Variants in HESX1 observed in about 807,000 individuals in gnomAD.
HESX1 encodes homeobox expressed in ES cells 1.
Under a neutral mutation model 22.5 loss-of-function variants are expected in HESX1, and 11 were observed. The ratio of observed to expected loss-of-function variants is 0.49; its 90% CI spans 0.31 to 0.81. The LOEUF (loss-of-function observed/expected upper bound fraction) is 0.81. HESX1 is among the 30% of genes least tolerant of loss of function. HESX1 has a pLI of 0.05. For missense variants in HESX1, 201 were observed against 212.6 expected (o/e 0.95, Z 0.34); for synonymous variants, 74 against 76.5 (o/e 0.97, Z 0.17).
intron 1 of HESX1, among the ~76,000 whole-genome samples, chr3:57,213,851 G>A (rs2107579589): frequency 6.6e-6 from 1 of 152,286 alleles, no homozygotes; most frequent in Middle Eastern, 3.4e-3. Context: ...AACCTAGGAG[G>A]CGGAGGTTGC....
At position 57,197,994 on chromosome 3, in the gene HESX1, A is replaced by AAT. The variant is rs1361785110; in HGVS notation, c.*201_*202dup. 7 of 404,524 alleles carry AAT rather than the reference A, an allele frequency of 1.7e-5. No individual in the cohort carries two copies. The highest frequency in any genetic ancestry group is 3.1e-5 in the Non-Finnish European group (7 of 227,524). 25.1% of individuals were successfully genotyped at this position (404,524 alleles called of 1,614,324 possible). ...AATCTTTTCTGAAAATGTTTATTAA[A>AAT]ATATATATAAAAGGTCTTTACTATA... On this transcript the variant is annotated 3_prime_UTR_variant, in exon 4 of 4. Coordinates refer to ENST00000295934, the MANE Select transcript of HESX1 (RefSeq NM_003865.3).
Position 57,198,115 on chromosome 3 carries a change from C to T in HESX1, c.*82G>A. The T allele has an allele frequency of 2.3e-6, 2 of 881,362 alleles. No homozygotes were observed. Among genetic ancestry groups the T allele is most frequent in the African/African-American group, 1.7e-5 (1 of 60,342 alleles). The allele number at this position is 881,362 out of a possible 1,614,324, so 54.6% of individuals were successfully genotyped here. ...TTCAGATTAAATGCAGGAAAGAAAA[C>T]ATCACATTTTAACACTTAATATTTC... On this transcript the variant is annotated 3_prime_UTR_variant, in exon 4 of 4. Transcript: ENST00000295934.
rs569950634 is a variant in HESX1, at chr3:57,211,662, G to A, written c.-110-11634C>T. Among the ~76,000 whole-genome samples the A allele has an allele frequency of 2.6e-4, 39 of 150,812 alleles. No homozygotes were observed. In the South Asian group the frequency reaches 6.5e-3, roughly 25 times the overall value. On this transcript the variant is annotated intron_variant, in intron 1 of 2. Coordinates refer to the HESX1 transcript ENST00000495160. ...AGCCTGGCCAACATGGTGAAACCCCGTCCCTACTAAAAATACAAAAATTAG... is the reference window on the plus strand; with the variant it reads ...AGCCTGGCCAACATGGTGAAACCCCATCCCTACTAAAAATACAAAAATTAG...
At chr3:57,203,220 T>A (rs577991097), upstream of HESX1, among the ~76,000 whole-genome samples, 21 of 152,320 alleles carry the variant, frequency 1.4e-4, no homozygotes, top group Non-Finnish European at 2.9e-4. Context: ...CAACACATAA[T>A]TTGCTAAGCA....
At chr3:57,204,999 A>G (rs1042971759) in intron 1 of HESX1, among the ~76,000 whole-genome samples, 2 of 152,172 alleles carry the variant, frequency 1.3e-5, no homozygotes, top group African/African-American at 4.8e-5. Context: ...AATGGTTACA[A>G]TAGCATCTCT....
chr3:57,216,614 A>C (rs1454148358), intron 1 of HESX1, among the ~76,000 whole-genome samples: 2 of 152,236 alleles, frequency 1.3e-5, no homozygotes, highest in Admixed American at 6.5e-5. Context: ...GTCTCAAAAA[A>C]TAAAAAATAA....
At chr3:57,203,402 C>A (rs1009650301), upstream of HESX1, among the ~76,000 whole-genome samples, 2 of 152,110 alleles carry the variant, frequency 1.3e-5, no homozygotes, top group Non-Finnish European at 2.9e-5. Context: ...TAATTGAATA[C>A]TTGGTCCCAA....
chr3:57,199,076 T>G, intron 1 of HESX1, 124 bp from the exon 2 acceptor site: 1 of 874,714 alleles, frequency 1.1e-6, no homozygotes, highest in East Asian at 2.4e-5. Context: ...ACAAGAGAAT[T>G]GCACCCCGTT....
chr3:57,212,985 C>T (rs2060564377), intron 1 of HESX1, among the ~76,000 whole-genome samples: 1 of 152,004 alleles, frequency 6.6e-6, no homozygotes. Flanking sequence ...TGTTCCCCAC[C>T]CTGGCACACA....
In HESX1 at chr3:57,206,414, G is replaced by C. The variant is rs1427761323; in HGVS notation, c.-110-6386C>G. Among the ~76,000 whole-genome samples the C allele has an allele frequency of 7.3e-4, 111 of 152,258 alleles. 1 individual carries two copies. The highest frequency in any genetic ancestry group is 1.2e-4 in the Non-Finnish European group (8 of 68,032). On this transcript the variant is annotated intron_variant, in intron 1 of 2. Coordinates refer to the HESX1 transcript ENST00000495160. Reference sequence around the variant, plus strand: ...TGAAAGTAAACTGAAGAGTGAATGGGACATTTTTGGTCTGGCAATATGCTG... The same window carrying C: ...TGAAAGTAAACTGAAGAGTGAATGGCACATTTTTGGTCTGGCAATATGCTG...
chr3:57,222,186 T>G (rs530511915), intron 1 of HESX1, among the ~76,000 whole-genome samples: 2 of 152,346 alleles, frequency 1.3e-5, no homozygotes, highest in East Asian at 3.8e-4. Context: ...TGCTACTCTG[T>G]TTTTCACTGC....
intron 1 of HESX1, among the ~76,000 whole-genome samples, chr3:57,206,971 T>C (rs76511930): frequency 6.6e-6 from 1 of 152,068 alleles, no homozygotes; most frequent in East Asian, 1.9e-4. Flanking sequence ...TTTTTTTTTT[T>C]GAGTTTCAGT....
intron 1 of HESX1, among the ~76,000 whole-genome samples, chr3:57,223,683 A>G (rs756232885): frequency 5.1e-4 from 77 of 152,106 alleles, no homozygotes; most frequent in Non-Finnish European, 9.3e-4. Context: ...CAAATTATCA[A>G]TTTTCTTGAA....
At chr3:57,225,884 T>TC (rs1451737181) in intron 1 of HESX1, among the ~76,000 whole-genome samples, 2 of 148,894 alleles carry the variant, frequency 1.3e-5, no homozygotes, top group Non-Finnish European at 1.5e-5. Context: ...TTCTTTTCTT[T>TC]TTTTTTTTTT....
chr3:57,215,590 A>T lies in HESX1; in HGVS notation c.-111+10706T>A, dbSNP rs148243641. 9.5e-3 allele frequency among the ~76,000 whole-genome samples: 1,452 copies of T among 152,198 alleles called. 24 individuals carry two copies. The highest frequency in any genetic ancestry group is 0.033 in the African/African-American group (1,353 of 41,522). On this transcript the variant is annotated intron_variant, in intron 1 of 2. Transcript: ENST00000495160. The stretch of plus-strand genomic sequence containing the variant: ...TCGACCAGCCTGGCCAACATGGTGA[A>T]ACCTTGTCTCTATTAAAAATACAAA...
In HESX1 at chr3:57,220,662, C is replaced by T. The variant is rs147177289; in HGVS notation, c.-111+5634G>A. 9.6e-3 allele frequency among the ~76,000 whole-genome samples: 1,467 copies of T among 152,272 alleles called. 13 individuals carry two copies. Among genetic ancestry groups the T allele is most frequent in the Middle Eastern group, 0.02 (6 of 294 alleles). On this transcript the variant is annotated intron_variant, in intron 1 of 2. Coordinates refer to the HESX1 transcript ENST00000495160. Reference sequence around the variant, plus strand: ...GCCAGGCTAGTCTTGAACTCCTGACCTCAAATGATCCACCCACCTTGGCCT... The same window carrying T: ...GCCAGGCTAGTCTTGAACTCCTGACTTCAAATGATCCACCCACCTTGGCCT...
chr3:57,221,096 A>G (rs1017515413), intron 1 of HESX1, among the ~76,000 whole-genome samples: 1 of 151,622 alleles, frequency 6.6e-6, no homozygotes, highest in Non-Finnish European at 1.5e-5. Context: ...TACTTTCTCA[A>G]TGAAGCCCAT....
chr3:57,198,708 A>G (rs762397483), intron 2 of HESX1, 45 bp downstream of exon 2: 12 of 1,568,124 alleles, frequency 7.7e-6, no homozygotes, highest in South Asian at 1.1e-5. Flanking sequence ...CTTGGTGTCA[A>G]TTAAAGCCTT....
rs577724228 is a variant in HESX1, at chr3:57,225,101, C to T, written c.-111+1195G>A. 6.6e-5 allele frequency among the ~76,000 whole-genome samples: 10 copies of T among 152,248 alleles called. No homozygotes were observed. In the South Asian group the frequency reaches 2.1e-3, roughly 32 times the overall value. ...ACTGAGTTTGGTTAACTGCACAAAA[C>T]GTAGGCTGAATAAACTTAAAGTGGT... On this transcript the variant is annotated intron_variant, in intron 1 of 2. Coordinates refer to the HESX1 transcript ENST00000495160.
Sources: gnomAD v4.1 joint callset for allele counts (sites outside exome capture counted in the v4.1 genomes callset) on GRCh38, gnomAD v4.1.1 for gene constraint, MANE v1.5 for transcripts, NCBI Gene and HGNC (gene_info 2026-07-23, HGNC 2026-07-21) for gene names.